CDKAL1: variants seen among roughly 807,000 people sequenced by gnomAD.
CDKAL1 encodes CDKAL1 threonylcarbamoyladenosine tRNA methylthiotransferase.
A neutral mutation model predicts 68.2 loss-of-function variants in CDKAL1; 32 were observed. The ratio of observed to expected loss-of-function variants is 0.47; its 90% CI spans 0.35 to 0.63. The LOEUF is 0.63. CDKAL1 is among the 30% of genes least tolerant of loss of function. The probability of loss-of-function intolerance (pLI) is 0.00; values close to 1 mark genes in which losing one functional copy is unlikely to be tolerated. For synonymous variants in CDKAL1, 234 were observed against 244.3 expected, an observed-to-expected ratio of 0.96 and a Z score of 0.39; for missense variants, 606 against 696.7, an observed-to-expected ratio of 0.87 and a Z score of 1.47.
intron 10 of CDKAL1, among the ~76,000 whole-genome samples, chr6:20,983,496 A>G (rs1319596550): frequency 6.6e-6 from 1 of 152,198 alleles, no homozygotes; most frequent in African/African-American, 2.4e-5. Flanking sequence ...CGAGGTGGGC[A>G]GATGACCTGA....
At chr6:21,220,893 A>C (rs1779516017) in intron 15 of CDKAL1, among the ~76,000 whole-genome samples, 1 of 152,154 alleles carries the variant, frequency 6.6e-6, no homozygotes, top group Non-Finnish European at 1.5e-5. Context: ...TGGGCCAGGC[A>C]CGGTGGCTCA....
intron 8 of CDKAL1, among the ~76,000 whole-genome samples, chr6:20,797,760 C>CT (rs1554122614): frequency 8.4e-6 from 1 of 119,406 alleles, no homozygotes; most frequent in Admixed American, 8.5e-5. Flanking sequence ...TGATTGATTG[C>CT]TTTATTTTAT....
chr6:20,712,290 A>G (rs1025229249), intron 5 of CDKAL1, among the ~76,000 whole-genome samples: 5 of 152,198 alleles, frequency 3.3e-5, no homozygotes, highest in African/African-American at 9.6e-5. Context: ...CAAAGTTGCA[A>G]TGGTCAGGAA....
At chr6:21,179,382 C>T (rs1479900389) in intron 13 of CDKAL1, among the ~76,000 whole-genome samples, 1 of 152,174 alleles carries the variant, frequency 6.6e-6, no homozygotes, top group Non-Finnish European at 1.5e-5. Flanking sequence ...AAGACTAATA[C>T]TCAACAAAGC....
chr6:20,954,955 AATAAT>A (rs1348548800), intron 9 of CDKAL1, among the ~76,000 whole-genome samples: 43 of 152,166 alleles, frequency 2.8e-4, no homozygotes, highest in African/African-American at 9.9e-4. Context: ...CCTTATAATT[AATAAT>A]ATGTGAGCTA....
chr6:20,881,762 CTT>C (rs1168591924), intron 9 of CDKAL1, among the ~76,000 whole-genome samples: 1 of 152,050 alleles, frequency 6.6e-6, no homozygotes, highest in Non-Finnish European at 1.5e-5. Context: ...TGTCTATACT[CTT>C]TGTTTTTATG....
chr6:20,815,523 C>T (rs962629379), intron 8 of CDKAL1, among the ~76,000 whole-genome samples: 4 of 150,898 alleles, frequency 2.7e-5, no homozygotes, highest in Non-Finnish European at 4.4e-5. Context: ...AATAAACTTT[C>T]TCTTTTTTGA....
At chr6:20,614,588 G>T (rs566396846) in intron 4 of CDKAL1, among the ~76,000 whole-genome samples, 2 of 152,134 alleles carry the variant, frequency 1.3e-5, no homozygotes, top group Non-Finnish European at 2.9e-5. Context: ...GTACCCACAA[G>T]TAGAGGGAAT....
intron 4 of CDKAL1, among the ~76,000 whole-genome samples, chr6:20,643,319 C>T (rs1435093894): frequency 1.3e-5 from 2 of 152,216 alleles, no homozygotes; most frequent in African/African-American, 4.8e-5. Context: ...AGGTGTTAAC[C>T]TCTTAGCAGG....
At chr6:21,172,206 C>T (rs1028894391) in intron 13 of CDKAL1, among the ~76,000 whole-genome samples, 1 of 152,142 alleles carries the variant, frequency 6.6e-6, no homozygotes, top group Non-Finnish European at 1.5e-5. Context: ...AGGAAAGTCA[C>T]TTGGTCAAAG....
At chr6:21,099,688 A>G (rs1773485830) in intron 12 of CDKAL1, among the ~76,000 whole-genome samples, 1 of 152,236 alleles carries the variant, frequency 6.6e-6, no homozygotes, top group South Asian at 2.1e-4. Context: ...CTTATGGGCT[A>G]CTTTTGAGCA....
At chr6:21,064,361 C>T (rs1771306697) in intron 11 of CDKAL1, among the ~76,000 whole-genome samples, 1 of 152,140 alleles carries the variant, frequency 6.6e-6, no homozygotes, top group Non-Finnish European at 1.5e-5. Flanking sequence ...AACCAGTTCA[C>T]TATAAAAGCA....
chr6:20,564,148 T>C (rs565287461), intron 4 of CDKAL1, among the ~76,000 whole-genome samples: 49 of 152,320 alleles, frequency 3.2e-4, no homozygotes, highest in African/African-American at 1.1e-3. Context: ...TACTTGTGCC[T>C]GTAATGCTAG....
chr6:20,622,132 T>G (rs1767222374), intron 4 of CDKAL1, among the ~76,000 whole-genome samples: 1 of 152,184 alleles, frequency 6.6e-6, no homozygotes, highest in African/African-American at 2.4e-5. Context: ...TTTTTAAGTT[T>G]ATGGCAGCTT....
intron 5 of CDKAL1, among the ~76,000 whole-genome samples, chr6:20,715,191 G>T (rs1053015990): frequency 2.0e-5 from 3 of 151,980 alleles, no homozygotes; most frequent in African/African-American, 7.3e-5. Context: ...TGTATCCTTT[G>T]ACCTACATCT....
intron 8 of CDKAL1, among the ~76,000 whole-genome samples, chr6:20,812,752 G>T (rs1320719372): frequency 6.6e-6 from 1 of 152,108 alleles, no homozygotes; most frequent in South Asian, 2.1e-4. Context: ...AGCATTTCAT[G>T]GTAGGGCTAT....
chr6:20,609,311 T>TCCTC (rs1561963139), intron 4 of CDKAL1, among the ~76,000 whole-genome samples: 29 of 145,096 alleles, frequency 2.0e-4, no homozygotes, highest in Middle Eastern at 7.1e-3. Flanking sequence ...CTCCTCCTCC[T>TCCTC]CCCCCCTCCT....
chr6:20,731,535 C>G (rs192673464), intron 5 of CDKAL1, among the ~76,000 whole-genome samples: 10 of 152,278 alleles, frequency 6.6e-5, no homozygotes, highest in Non-Finnish European at 2.9e-5. Flanking sequence ...GATTAACTTG[C>G]ACAAATGACT....
At chr6:20,781,321 T>C in intron 8 of CDKAL1, 56 bp downstream of exon 8, 2 of 1,484,740 alleles carry the variant, frequency 1.3e-6, no homozygotes, top group Non-Finnish European at 1.8e-6. Flanking sequence ...TGAATTCAGT[T>C]TTTTTTTCTT....
Sources: allele counts gnomAD v4.1 joint callset (sites outside exome capture counted in the v4.1 genomes callset), GRCh38; gene constraint gnomAD v4.1.1; transcripts MANE v1.5; gene names NCBI Gene and HGNC (gene_info 2026-07-23, HGNC 2026-07-21).